ERICH3: variants seen among roughly 807,000 people sequenced by gnomAD.
ERICH3 encodes glutamate-rich protein 3.
In ERICH3, 126 loss-of-function variants were observed where a neutral mutation model predicts 131.1. The observed-to-expected ratio is 0.96, with a 90% confidence interval of 0.83 to 1.11. The LOEUF is 1.11. Among genes scored for constraint, ERICH3 ranks in the 50% most tolerant of loss-of-function variants. ERICH3 has a pLI of 0.00. For missense variants in ERICH3, 2,050 were observed against 1,810.7 expected (o/e 1.13, Z -2.40); for synonymous variants, 695 against 644.6 (o/e 1.08, Z -1.18).
intron 7 of ERICH3, among the ~76,000 whole-genome samples, chr1:74,629,584 A>G (rs1315663529): frequency 6.6e-6 from 1 of 152,062 alleles, no homozygotes; most frequent in Non-Finnish European, 1.5e-5. Context: ...TCCCTCCTCC[A>G]TGCCCAGCTA....
chr1:74,643,272 T>A (rs1027675493), intron 3 of ERICH3, among the ~76,000 whole-genome samples, 174 bp from the exon 4 acceptor site: 2 of 152,148 alleles, frequency 1.3e-5, no homozygotes, highest in African/African-American at 2.4e-5. Flanking sequence ...GTGCAACTAT[T>A]TGGAAATTCA....
intron 1 of ERICH3, among the ~76,000 whole-genome samples, chr1:74,672,821 C>A (rs1646754066): frequency 6.6e-6 from 1 of 151,474 alleles, no homozygotes; most frequent in Non-Finnish European, 1.5e-5. Context: ...GGTGTTCTTT[C>A]TAGAATACAT....
chr1:74,602,604 T>C (rs886870639), intron 10 of ERICH3, among the ~76,000 whole-genome samples: 1 of 151,862 alleles, frequency 6.6e-6, no homozygotes, highest in African/African-American at 2.4e-5. Flanking sequence ...GCTAAACCCT[T>C]GCGGCTGTGG....
intron 6 of ERICH3, chr1:74,634,698 T>C (rs1459978165): frequency 2.8e-6 from 2 of 710,920 alleles, no homozygotes; most frequent in Non-Finnish European, 5.2e-6. Flanking sequence ...ATCCAAGTAC[T>C]ATCTAGGGGA....
At chr1:74,671,985 T>G (rs1646747127) in intron 1 of ERICH3, among the ~76,000 whole-genome samples, 1 of 152,242 alleles carries the variant, frequency 6.6e-6, no homozygotes, top group Non-Finnish European at 1.5e-5. Flanking sequence ...ACTCTTGCAT[T>G]AAATCACAAA....
chr1:74,617,015 T>C (rs901153787), intron 8 of ERICH3, among the ~76,000 whole-genome samples: 1 of 152,032 alleles, frequency 6.6e-6, no homozygotes, highest in Non-Finnish European at 1.5e-5. Flanking sequence ...CAATGAGCTA[T>C]AAAAACACAG....
intron 2 of ERICH3, among the ~76,000 whole-genome samples, chr1:74,647,675 T>C (rs906719933): frequency 6.6e-6 from 1 of 152,104 alleles, no homozygotes; most frequent in African/African-American, 2.4e-5. Context: ...CACCTTCTTC[T>C]TTTCCACTTA....
In ERICH3 at chr1:74,572,557, G is replaced by T. The variant is rs745621091; in HGVS notation, c.3153C>A (p.Pro1051=). The T allele has an allele frequency of 2.5e-6, 4 of 1,613,762 alleles. No individual in the cohort carries two copies. The East Asian group carries it at 8.9e-5, about 36-fold the overall frequency. The change falls in exon 14 of 15, where the codon CCC becomes CCA. Residue 1051 remains proline (P), a synonymous_variant. Coordinates refer to ENST00000326665, the MANE Select transcript of ERICH3 (RefSeq NM_001002912.5). ...GCTCTCTTGCTAAATCTAATTCCTT[G>T]GGTAAAATTTCTTTCCTATCATCTT... The part of the protein sequence containing the change: ...NREDDRKEIL[P]KELDLARERR...
chr1:74,618,043 A>T (rs979160843), intron 8 of ERICH3, among the ~76,000 whole-genome samples: 1 of 152,144 alleles, frequency 6.6e-6, no homozygotes, highest in African/African-American at 2.4e-5. Context: ...AAAAATATTT[A>T]AAAATTAGCT....
Position 74,673,648 on chromosome 1 carries a change from C to T in ERICH3, c.-129G>A. On this transcript the variant is annotated 5_prime_UTR_variant, in exon 1 of 15. In the 5' UTR this introduces an upstream ATG that the reference lacks. Coordinates refer to ENST00000326665, the MANE Select transcript of ERICH3 (RefSeq NM_001002912.5). ...CACCGAGGTCCCCTGTGCGCGGGCA[C>T]CTGGGCTGGGCCGCCGCCGCCCCTG... is the stretch of plus-strand genomic sequence containing the variant. 6.8e-6 allele frequency: 7 copies of T among 1,031,422 alleles called. No homozygotes were observed. Among genetic ancestry groups the T allele is most frequent in the Non-Finnish European group, 1.3e-6 (1 of 756,696 alleles). The allele number at this position is 1,031,422 out of a possible 1,614,324, so 63.9% of individuals were successfully genotyped here. A position where few individuals can be genotyped will look rare whatever the true frequency, so the allele number is the denominator to read the frequency against.
At chr1:74,654,463 G>A (rs543808534) in intron 1 of ERICH3, among the ~76,000 whole-genome samples, 1 of 151,956 alleles carries the variant, frequency 6.6e-6, no homozygotes, top group African/African-American at 2.4e-5. Flanking sequence ...CCATAGCCTA[G>A]GTAGCTTAAA....
At chr1:74,576,778 C>A in intron 13 of ERICH3, 117 bp downstream of exon 13, 3 of 893,840 alleles carry the variant, frequency 3.4e-6, no homozygotes, top group South Asian at 1.8e-5. Context: ...TCTTAAAAGT[C>A]ATTCAATAAA....
rs941888312 is a variant in ERICH3 at position 74,612,471 on chromosome 1, C to T, written c.1187+152G>A. 9 of 556,610 alleles carry T rather than the reference C, an allele frequency of 1.6e-5. No individual in the cohort carries two copies. In the Admixed American group the frequency reaches 2.6e-4, roughly 16 times the overall value. 34.5% of individuals were successfully genotyped at this position (556,610 alleles called of 1,614,324 possible). A position where few individuals can be genotyped will look rare whatever the true frequency, so the allele number is the denominator to read the frequency against. ...ATCTTATAATTTCAAATTCAGCACGCCATGTTACAATAAACAACCCTGAAC... is the reference window on the plus strand; with the variant it reads ...ATCTTATAATTTCAAATTCAGCACGTCATGTTACAATAAACAACCCTGAAC... On this transcript the variant is annotated intron_variant, in intron 9 of 14. Coordinates refer to ENST00000326665, the MANE Select transcript of ERICH3 (RefSeq NM_001002912.5).
Position 74,651,956 on chromosome 1 carries a change from T to C in ERICH3, c.24-2641A>G, listed in dbSNP as rs146288192. ...CTAACAAATGTGTGCACGATGCCTG[T>C]CCAGGCTTACAAATCGTCAAGCAGG... On this transcript the variant is annotated intron_variant, in intron 1 of 14. Transcript: ENST00000326665. Among the ~76,000 whole-genome samples the C allele has an allele frequency of 4.6e-3, 703 of 152,246 alleles. 5 individuals are homozygous for C. Among genetic ancestry groups the C allele is most frequent in the African/African-American group, 0.016 (679 of 41,562 alleles).
chr1:74,630,101 G>A (rs1357547234), intron 7 of ERICH3, among the ~76,000 whole-genome samples: 1 of 152,136 alleles, frequency 6.6e-6, no homozygotes, highest in East Asian at 1.9e-4. Flanking sequence ...AGCATGAACA[G>A]GTAGAATGTA....
chr1:74,651,935 C>G (rs1375478228), intron 1 of ERICH3, among the ~76,000 whole-genome samples: 4 of 152,164 alleles, frequency 2.6e-5, no homozygotes, highest in Non-Finnish European at 4.4e-5. Context: ...CTTCTACTAA[C>G]AAATGTGTGC....
chr1:74,646,544 T>C (rs1368831173), intron 3 of ERICH3, 123 bp downstream of exon 3: 2 of 592,424 alleles, frequency 3.4e-6, no homozygotes, highest in Non-Finnish European at 5.1e-6. Flanking sequence ...ACAAAAGCAT[T>C]ATTAATTATC....
chr1:74,570,779 G>A (rs1371376499), intron 14 of ERICH3, among the ~76,000 whole-genome samples: 5 of 152,132 alleles, frequency 3.3e-5, no homozygotes, highest in Admixed American at 1.3e-4. Flanking sequence ...CCTGTCCTCT[G>A]TGGCACATTC....
chr1:74,672,981 G>C (rs867330250), intron 1 of ERICH3, among the ~76,000 whole-genome samples: 1 of 151,762 alleles, frequency 6.6e-6, no homozygotes. Context: ...GACCCTTATG[G>C]TCCTTTTGAG....
Sources: allele counts gnomAD v4.1 joint callset (sites outside exome capture counted in the v4.1 genomes callset), GRCh38; gene constraint gnomAD v4.1.1; transcripts MANE v1.5; gene names NCBI Gene and HGNC (gene_info 2026-07-23, HGNC 2026-07-21).